Variants in LTBP1 observed in about 807,000 individuals in gnomAD.
LTBP1 encodes latent-transforming growth factor beta-binding protein 1.
LTBP1 carries 129 observed loss-of-function variants against 207.6 expected under a neutral mutation model. That is an observed-to-expected ratio of 0.62 (90% confidence interval 0.54 to 0.72). LTBP1 has a LOEUF of 0.72. Ranked by LOEUF, LTBP1 falls within the 30% of genes least tolerant of loss-of-function variation. The probability of loss-of-function intolerance (pLI) is 0.00; values close to 1 mark genes in which losing one functional copy is unlikely to be tolerated. For synonymous variants in LTBP1, 963 were observed against 833.7 expected (o/e 1.16, Z -2.67); for missense variants, 2,281 against 2,217.2 (o/e 1.03, Z -0.58).
At chr2:33,337,287 G>T (rs1159317737) in intron 24 of LTBP1, among the ~76,000 whole-genome samples, 1 of 152,096 alleles carries the variant, frequency 6.6e-6, no homozygotes, top group Non-Finnish European at 1.5e-5. Context: ...AAGCATCTGG[G>T]CAAGGAAAAT....
chr2:33,003,164 CAT>C (rs1686294256), intron 2 of LTBP1, among the ~76,000 whole-genome samples: 1 of 152,194 alleles, frequency 6.6e-6, no homozygotes. Context: ...TGAATGACGA[CAT>C]GTGCTTGGCA....
intron 5 of LTBP1, among the ~76,000 whole-genome samples, chr2:33,159,425 G>A (rs1052808351): frequency 6.6e-6 from 1 of 152,118 alleles, no homozygotes; most frequent in African/African-American, 2.4e-5. Flanking sequence ...ACCTTTTAAA[G>A]GTAACATCAC....
chr2:33,383,029 A>G (rs949445191), intron 31 of LTBP1, among the ~76,000 whole-genome samples: 1 of 152,128 alleles, frequency 6.6e-6, no homozygotes, highest in Non-Finnish European at 1.5e-5. Context: ...CCGTTTTTCT[A>G]ATTTCATAAC....
intron 31 of LTBP1, among the ~76,000 whole-genome samples, chr2:33,386,439 G>A (rs1463697858): frequency 4.6e-5 from 7 of 152,164 alleles, no homozygotes; most frequent in Admixed American, 2.0e-4. Flanking sequence ...CATGGCATTC[G>A]ACATCCCCGG....
At chr2:33,041,803 C>T (rs1466803932) in intron 3 of LTBP1, among the ~76,000 whole-genome samples, 6 of 152,112 alleles carry the variant, frequency 3.9e-5, no homozygotes, top group Non-Finnish European at 8.8e-5. Flanking sequence ...CTCTTGCTCA[C>T]ACACATATAT....
At chr2:33,077,001 C>T (rs2078120448) in intron 3 of LTBP1, among the ~76,000 whole-genome samples, 2 of 152,170 alleles carry the variant, frequency 1.3e-5, no homozygotes, top group Non-Finnish European at 2.9e-5. Flanking sequence ...ATTTTCGTCT[C>T]TCCTCCTCTG....
chr2:33,105,513 T>C (rs925178505), intron 3 of LTBP1, among the ~76,000 whole-genome samples: 2 of 152,060 alleles, frequency 1.3e-5, no homozygotes, highest in Non-Finnish European at 2.9e-5. Context: ...CTTGGCTCAT[T>C]GCAACCTCCA....
chr2:33,003,074 T>G (rs1686274448), intron 2 of LTBP1, among the ~76,000 whole-genome samples: 1 of 152,230 alleles, frequency 6.6e-6, no homozygotes, highest in African/African-American at 2.4e-5. Context: ...CTTCCTGAGT[T>G]CCAGACTTTG....
chr2:33,091,315 T>C (rs2079076701), intron 3 of LTBP1, among the ~76,000 whole-genome samples: 1 of 152,134 alleles, frequency 6.6e-6, no homozygotes, highest in Admixed American at 6.5e-5. Flanking sequence ...TTCTCTCTGG[T>C]CTATGAGCAG....
At position 33,211,294 on chromosome 2, in the gene LTBP1, T is replaced by C. The variant is rs74652093; in HGVS notation, c.1702-6258T>C. ...CTAGTACTTTAATGCTGGTTATAGGTTTTACCCACACCAGGCACCAGTTGA... is the reference window on the plus strand; with the variant it reads ...CTAGTACTTTAATGCTGGTTATAGGCTTTACCCACACCAGGCACCAGTTGA... On this transcript the variant is annotated intron_variant, in intron 7 of 33. Coordinates refer to ENST00000404816, the MANE Select transcript of LTBP1 (RefSeq NM_206943.4). Among the ~76,000 whole-genome samples, 11 of 152,200 alleles carry C rather than the reference T, an allele frequency of 7.2e-5. No homozygotes were observed. The East Asian group carries it at 1.7e-3, about 24-fold the overall frequency.
intron 2 of LTBP1, among the ~76,000 whole-genome samples, chr2:32,994,249 G>A (rs138743396): frequency 8.2e-4 from 125 of 152,228 alleles, no homozygotes; most frequent in African/African-American, 2.8e-3. Context: ...CTGATGGTGT[G>A]CCTGGCACTA....
intron 31 of LTBP1, 87 bp from the exon 32 acceptor site, chr2:33,389,097 C>A: frequency 6.4e-7 from 1 of 1,574,036 alleles, no homozygotes. Flanking sequence ...GGTGTGCTGG[C>A]AGATTCCCGT....
intron 2 of LTBP1, among the ~76,000 whole-genome samples, chr2:32,956,153 A>G (rs569311598): frequency 7.9e-4 from 120 of 152,330 alleles, no homozygotes; most frequent in African/African-American, 2.8e-3. Flanking sequence ...TCTTGCCTTG[A>G]TATGGCTGGT....
At chr2:33,252,403 A>G (rs80310941) in intron 10 of LTBP1, among the ~76,000 whole-genome samples, 1 of 152,212 alleles carries the variant, frequency 6.6e-6, no homozygotes, top group Admixed American at 6.5e-5. Context: ...GTTTCTCTTC[A>G]TTACGCACAC....
chr2:33,028,103 G>A (rs1292254577), intron 3 of LTBP1, among the ~76,000 whole-genome samples: 1 of 152,154 alleles, frequency 6.6e-6, no homozygotes, highest in Non-Finnish European at 1.5e-5. Flanking sequence ...TTCGGAAGAA[G>A]AGTAGACCAT....
At chr2:33,393,023 G>A (rs2095328206) in intron 32 of LTBP1, among the ~76,000 whole-genome samples, 1 of 151,628 alleles carries the variant, frequency 6.6e-6, no homozygotes, top group Admixed American at 6.6e-5. Flanking sequence ...TGCCATGGAT[G>A]TATTACTCAA....
At chr2:33,142,615 A>G (rs1270246787) in intron 5 of LTBP1, among the ~76,000 whole-genome samples, 1 of 152,052 alleles carries the variant, frequency 6.6e-6, no homozygotes, top group Non-Finnish European at 1.5e-5. Context: ...TTTTGGTTGA[A>G]GAGGAAGACA....
chr2:33,229,750 A>G (rs1199484491), intron 9 of LTBP1, among the ~76,000 whole-genome samples: 2 of 152,194 alleles, frequency 1.3e-5, no homozygotes, highest in African/African-American at 2.4e-5. Context: ...TACTGAGCAT[A>G]TTAGATGGTT....
At chr2:33,322,150 C>G (rs557616501) in intron 24 of LTBP1, among the ~76,000 whole-genome samples, 2 of 147,366 alleles carry the variant, frequency 1.4e-5, no homozygotes, top group South Asian at 4.3e-4. Context: ...TTTTTTTTAT[C>G]ACTGCTGACC....
Sources: allele counts gnomAD v4.1 joint callset (sites outside exome capture counted in the v4.1 genomes callset), GRCh38; gene constraint gnomAD v4.1.1; transcripts MANE v1.5; gene names NCBI Gene and HGNC (gene_info 2026-07-23, HGNC 2026-07-21).